LRRTM4: variants seen among roughly 807,000 people sequenced by gnomAD.
LRRTM4 encodes the protein leucine rich repeat transmembrane neuronal 4, also known as leucine-rich repeat transmembrane neuronal protein 4.
Under a neutral mutation model 47.6 loss-of-function variants are expected in LRRTM4, and 25 were observed. The observed-to-expected ratio is 0.53, with a 90% CI of 0.38 to 0.73. The LOEUF is 0.73. LRRTM4 is among the 30% of genes least tolerant of loss of function. The probability of loss-of-function intolerance (pLI) is 0.00; values close to 1 mark genes in which losing one functional copy is unlikely to be tolerated. For missense variants in LRRTM4, 638 were observed against 713.4 expected (o/e 0.89, Z 1.20); for synonymous variants, 311 against 269.5 (o/e 1.15, Z -1.51).
At chr2:77,090,788 G>A (rs531067393) in intron 3 of LRRTM4, among the ~76,000 whole-genome samples, 7 of 152,254 alleles carry the variant, frequency 4.6e-5, no homozygotes, top group African/African-American at 1.4e-4. Context: ...CAGAGCCCCT[G>A]GAACTCTGGC....
intron 3 of LRRTM4, among the ~76,000 whole-genome samples, chr2:76,974,255 C>T (rs13426954): frequency 0.52 from 72,227 of 137,580 alleles, 19,756 homozygotes; most frequent in East Asian, 0.75. Context: ...TATATATATA[C>T]ACACACATAC....
chr2:76,756,580 C>G (rs182252914), intron 3 of LRRTM4, among the ~76,000 whole-genome samples: 2 of 152,240 alleles, frequency 1.3e-5, no homozygotes, highest in Admixed American at 1.3e-4. Context: ...AAAACAAAAT[C>G]TCTCTCCCTA....
At chr2:76,931,660 C>G (rs1321345622) in intron 3 of LRRTM4, among the ~76,000 whole-genome samples, 1 of 152,132 alleles carries the variant, frequency 6.6e-6, no homozygotes, top group East Asian at 1.9e-4. Context: ...CTCTATGGAT[C>G]TAACTGCCTT....
intron 3 of LRRTM4, among the ~76,000 whole-genome samples, chr2:77,246,403 G>C (rs1004208696): frequency 6.6e-6 from 1 of 152,126 alleles, no homozygotes; most frequent in South Asian, 2.1e-4. Flanking sequence ...AATTGAATCA[G>C]TGTATAAATG....
At chr2:77,118,386 C>A (rs927178440) in intron 3 of LRRTM4, among the ~76,000 whole-genome samples, 4 of 151,836 alleles carry the variant, frequency 2.6e-5, no homozygotes, top group African/African-American at 9.7e-5. Context: ...TCATTATTAG[C>A]ATCAGTGCAG....
At chr2:77,202,257 T>G (rs191397026) in intron 3 of LRRTM4, among the ~76,000 whole-genome samples, 8 of 152,172 alleles carry the variant, frequency 5.3e-5, no homozygotes, top group African/African-American at 1.9e-4. Context: ...AAATCACCAT[T>G]TCTGCTGATG....
chr2:77,285,671 G>A (rs1031076175), intron 3 of LRRTM4, among the ~76,000 whole-genome samples: 4 of 151,860 alleles, frequency 2.6e-5, no homozygotes, highest in Admixed American at 2.0e-4. Context: ...GAACTCCAGA[G>A]GCAGAGGCTG....
intron 3 of LRRTM4, among the ~76,000 whole-genome samples, chr2:77,076,282 CTAAT>C (rs1456568127): frequency 6.6e-6 from 1 of 152,134 alleles, no homozygotes; most frequent in Non-Finnish European, 1.5e-5. Context: ...GTTAACTACT[CTAAT>C]TTGTAGCAAT....
chr2:76,794,335 G>C (rs1000378656), intron 3 of LRRTM4, among the ~76,000 whole-genome samples: 2 of 152,184 alleles, frequency 1.3e-5, no homozygotes, highest in African/African-American at 4.8e-5. Flanking sequence ...ATGTGTCAGA[G>C]AGGAAAGAAA....
intron 3 of LRRTM4, among the ~76,000 whole-genome samples, chr2:76,972,473 A>G (rs1676254936): frequency 7.6e-6 from 1 of 132,086 alleles, no homozygotes; most frequent in South Asian, 2.3e-4. Context: ...GATGGAGTGC[A>G]GTGGTGCAGT....
intron 3 of LRRTM4, among the ~76,000 whole-genome samples, chr2:77,246,732 G>GAT (rs967154263): frequency 3.3e-5 from 5 of 151,610 alleles, no homozygotes; most frequent in African/African-American, 7.3e-5. Context: ...TGTATATATG[G>GAT]ATATATATAT....
intron 3 of LRRTM4, among the ~76,000 whole-genome samples, chr2:77,293,739 T>C (rs1414015206): frequency 6.6e-6 from 1 of 152,130 alleles, no homozygotes; most frequent in Non-Finnish European, 1.5e-5. Flanking sequence ...GACAAGGTCA[T>C]GTGACTAACT....
intron 3 of LRRTM4, among the ~76,000 whole-genome samples, chr2:77,123,735 G>T (rs767062797): frequency 1.5e-4 from 23 of 151,830 alleles, no homozygotes; most frequent in Non-Finnish European, 3.2e-4. Flanking sequence ...TTATATTAAT[G>T]CATATTGGAT....
At chr2:76,854,569 T>C (rs1447282712) in intron 3 of LRRTM4, among the ~76,000 whole-genome samples, 2 of 152,112 alleles carry the variant, frequency 1.3e-5, no homozygotes, top group African/African-American at 2.4e-5. Context: ...ATTTGTAGCA[T>C]TTGCCAATTT....
chr2:77,212,111 C>T (rs1238254446), intron 3 of LRRTM4, among the ~76,000 whole-genome samples: 2 of 151,846 alleles, frequency 1.3e-5, no homozygotes, highest in Non-Finnish European at 2.9e-5. Flanking sequence ...TGGGAGACTA[C>T]TTAAATGCAA....
intron 3 of LRRTM4, among the ~76,000 whole-genome samples, chr2:76,871,204 T>C (rs1449543183): frequency 2.0e-5 from 3 of 152,182 alleles, no homozygotes; most frequent in Non-Finnish European, 4.4e-5. Flanking sequence ...AACTTCTATT[T>C]AAAAGAAATA....
intron 3 of LRRTM4, among the ~76,000 whole-genome samples, chr2:77,436,053 A>AAT (rs1675585156): frequency 1.3e-5 from 2 of 152,280 alleles, no homozygotes; most frequent in African/African-American, 2.4e-5. Flanking sequence ...TTTATGTAGA[A>AAT]ATATATATGA....
chr2:77,465,330 C>A (rs558249355), intron 3 of LRRTM4, among the ~76,000 whole-genome samples: 1 of 152,120 alleles, frequency 6.6e-6, no homozygotes, highest in Non-Finnish European at 1.5e-5. Flanking sequence ...ATTCACAAAA[C>A]GAACATAATA....
chr2:77,436,885 T>C (rs1298939293), intron 3 of LRRTM4, among the ~76,000 whole-genome samples: 5 of 151,924 alleles, frequency 3.3e-5, no homozygotes, highest in African/African-American at 1.2e-4. Context: ...AGATTTAATA[T>C]AACCCACAGT....
Sources: gnomAD v4.1 joint callset for allele counts (sites outside exome capture counted in the v4.1 genomes callset) on GRCh38, gnomAD v4.1.1 for gene constraint, MANE v1.5 for transcripts, NCBI Gene and HGNC (gene_info 2026-07-23, HGNC 2026-07-21) for gene names.